The following SORCS2 variants were observed in gnomAD, a reference collection of about 807,000 sequenced individuals.
SORCS2 encodes VPS10 domain-containing receptor SorCS2.
SORCS2 carries 100 observed loss-of-function variants against 141.6 expected under a neutral mutation model. The ratio of observed to expected loss-of-function variants is 0.71; its 90% confidence interval spans 0.60 to 0.83. The LOEUF (loss-of-function observed/expected upper bound fraction) is 0.83, where lower values mean the gene tolerates loss of function less well. Ranked by LOEUF, SORCS2 falls within the 40% of genes least tolerant of loss-of-function variation. SORCS2 has a pLI of 0.00. For synonymous variants in SORCS2, 789 were observed against 676.9 expected, an observed-to-expected ratio of 1.17 and a Z score of -2.57; for missense variants, 1,646 against 1,560.2, an observed-to-expected ratio of 1.05 and a Z score of -0.93.
At chr4:7,415,806 A>C (rs563393606) in intron 2 of SORCS2, among the ~76,000 whole-genome samples, 37 of 152,358 alleles carry the variant, frequency 2.4e-4, no homozygotes, top group African/African-American at 7.5e-4. Context: ...CCTCTGTGCT[A>C]GGCACTTTGC....
At chr4:7,206,165 C>T (rs1205439409) in intron 1 of SORCS2, among the ~76,000 whole-genome samples, 2 of 152,222 alleles carry the variant, frequency 1.3e-5, no homozygotes, top group African/African-American at 4.8e-5. Context: ...CATCCCTCTG[C>T]AGTCCTGTCC....
chr4:7,643,972 T>G (rs1011944723), intron 4 of SORCS2, among the ~76,000 whole-genome samples: 4 of 152,204 alleles, frequency 2.6e-5, no homozygotes, highest in African/African-American at 9.7e-5. Flanking sequence ...AAGCCCTCAC[T>G]CAGCATGTGT....
chr4:7,706,325 T>C (rs371511187), intron 14 of SORCS2, among the ~76,000 whole-genome samples: 400 of 30,606 alleles, frequency 0.013, 52 homozygotes, highest in East Asian at 0.088. Flanking sequence ...CTGGGCTCCG[T>C]CTGGGCAGGG....
rs1223007954 is a variant in SORCS2, at chr4:7,697,224, T to C, written c.1618T>C (p.Tyr540His). 2 of 1,589,950 alleles carry C rather than the reference T, an allele frequency of 1.3e-6. No homozygotes were observed. The highest frequency in any genetic ancestry group is 1.3e-5 in the African/African-American group (1 of 74,476). ...TAACCTGGGCTCACAGCTGGTGGAA[T>C]ATAAAGAAGAAATGTACATCACGTC... Reference protein sequence around the residue: ...AGNLGSQLVEYKEEMYITSDC... With the variant: ...AGNLGSQLVEHKEEMYITSDC... Residue 540 changes from tyrosine to histidine, a missense_variant, in exon 12 of 27, where the codon TAT becomes CAT. By Grantham distance (83) the Tyr-to-His change is moderately conservative (BLOSUM62 2). Coordinates refer to ENST00000507866, the MANE Select transcript of SORCS2 (RefSeq NM_020777.3).
chr4:7,221,501 G>T (rs764373374), intron 1 of SORCS2, among the ~76,000 whole-genome samples: 29 of 152,254 alleles, frequency 1.9e-4, no homozygotes, highest in Non-Finnish European at 3.7e-4. Context: ...GAATTGAACT[G>T]GGGGCAGGTT....
intron 3 of SORCS2, among the ~76,000 whole-genome samples, chr4:7,571,443 T>A (rs371307550): frequency 2.0e-5 from 3 of 152,078 alleles, no homozygotes; most frequent in African/African-American, 7.2e-5. Context: ...ACTCCCCCAG[T>A]GTTTGATGAG....
At chr4:7,726,587 A>ATAAAG (rs1390885041) in intron 20 of SORCS2, among the ~76,000 whole-genome samples, 193 bp from the exon 21 acceptor site, 2 of 151,976 alleles carry the variant, frequency 1.3e-5, no homozygotes, top group African/African-American at 4.8e-5. Flanking sequence ...ATAAAATAAA[A>ATAAAG]TAAAATAAAG....
Position 7,741,322 on chromosome 4 carries a change from G to A in SORCS2, c.*1058G>A. ...AGGCCCAGGGAGGAGAGTAACTGAAGGTCACAGCACGGTCACAGCAGAGGT... is the reference window on the plus strand; with the variant it reads ...AGGCCCAGGGAGGAGAGTAACTGAAAGTCACAGCACGGTCACAGCAGAGGT... On this transcript the variant is annotated 3_prime_UTR_variant, in exon 27 of 27. Transcript: ENST00000507866. 1 of 399,036 alleles carries A rather than the reference G, an allele frequency of 2.5e-6. No individual in the cohort carries two copies. 24.7% of individuals were successfully genotyped at this position (399,036 alleles called of 1,614,324 possible).
chr4:7,388,041 C>T (rs907170239), intron 1 of SORCS2, among the ~76,000 whole-genome samples: 13 of 149,342 alleles, frequency 8.7e-5, no homozygotes, highest in African/African-American at 3.0e-4. Flanking sequence ...CACACATGCA[C>T]ACACACATGC....
At chr4:7,514,731 G>A (rs568007501) in intron 2 of SORCS2, among the ~76,000 whole-genome samples, 2 of 152,260 alleles carry the variant, frequency 1.3e-5, no homozygotes, top group South Asian at 4.1e-4. Context: ...GCCAACCAGG[G>A]ACACCCCTGT....
intron 12 of SORCS2, 78 bp downstream of exon 12, chr4:7,697,352 C>A: frequency 8.1e-7 from 1 of 1,238,086 alleles, no homozygotes; most frequent in Non-Finnish European, 1.1e-6. Context: ...GTTCTGTCAT[C>A]CCGTCCATTC....
intron 18 of SORCS2, among the ~76,000 whole-genome samples, chr4:7,719,292 C>G (rs368262801): frequency 3.3e-5 from 5 of 152,244 alleles, no homozygotes; most frequent in East Asian, 3.8e-4. Flanking sequence ...CCCAAGACGA[C>G]GCAGAGCAGT....
rs143647157 is a variant in SORCS2, at chr4:7,207,039, C to T, written c.480+13913C>T. Among the ~76,000 whole-genome samples the T allele has an allele frequency of 5.3e-5, 8 of 152,094 alleles. No homozygotes were observed. The East Asian group carries it at 5.8e-4, about 11-fold the overall frequency. On this transcript the variant is annotated intron_variant, in intron 1 of 26. Coordinates refer to ENST00000507866, the MANE Select transcript of SORCS2 (RefSeq NM_020777.3). ...CATCCATCTATCTACAAACCAGCCCCGCACCTAGCATCACCCACTGCTAAC... is the reference window on the plus strand; with the variant it reads ...CATCCATCTATCTACAAACCAGCCCTGCACCTAGCATCACCCACTGCTAAC...
chr4:7,440,191 A>G (rs1011936541), intron 2 of SORCS2, among the ~76,000 whole-genome samples: 9 of 152,182 alleles, frequency 5.9e-5, no homozygotes, highest in Non-Finnish European at 1.2e-4. Flanking sequence ...CCTGGCCACA[A>G]TGGAATTAGG....
chr4:7,313,028 G>A (rs181535802), intron 1 of SORCS2, among the ~76,000 whole-genome samples: 3 of 152,340 alleles, frequency 2.0e-5, no homozygotes, highest in African/African-American at 2.4e-5. Context: ...AGAGGCCTGC[G>A]AGGACTGGGG....
At position 7,725,340 on chromosome 4, in the gene SORCS2, C is replaced by G. The variant is rs139849475; in HGVS notation, c.2745+53C>G. 2,740 of 1,579,326 alleles carry G rather than the reference C, an allele frequency of 1.7e-3. 36 individuals carry two copies. The African/African-American group carries it at 0.032, about 19-fold the overall frequency. ...CTTCTTCCCGCAGGCTCCCCACAAGCTGCACAGTGGGGCAGAGCATGGCCC... is the reference window on the plus strand; with the variant it reads ...CTTCTTCCCGCAGGCTCCCCACAAGGTGCACAGTGGGGCAGAGCATGGCCC... On this transcript the variant is annotated intron_variant, in intron 20 of 26. Transcript: ENST00000507866.
intron 14 of SORCS2, among the ~76,000 whole-genome samples, chr4:7,709,881 G>C (rs932039701): frequency 5.9e-5 from 9 of 152,306 alleles, no homozygotes; most frequent in African/African-American, 2.2e-4. Flanking sequence ...GTGGAGTGGA[G>C]GCTCCCAGAG....
chr4:7,578,529 T>A (rs1433427440), intron 3 of SORCS2, among the ~76,000 whole-genome samples: 1 of 152,272 alleles, frequency 6.6e-6, no homozygotes, highest in African/African-American at 2.4e-5. Context: ...TTTGTCCTGC[T>A]AAGCCTGAGC....
intron 3 of SORCS2, among the ~76,000 whole-genome samples, chr4:7,541,480 GAGGAGGGGTATCCCTAGCCTCCTC>G (rs1712654648): frequency 6.6e-6 from 1 of 152,342 alleles, no homozygotes; most frequent in Middle Eastern, 3.4e-3. Context: ...CTGGCCATCA[GAGGAGGGGTATCCCTAGCCTCCTC>G]AGGAGGGGCG....
Sources: gnomAD v4.1 joint callset for allele counts (sites outside exome capture counted in the v4.1 genomes callset) on GRCh38, gnomAD v4.1.1 for gene constraint, MANE v1.5 for transcripts, NCBI Gene and HGNC (gene_info 2026-07-23, HGNC 2026-07-21) for gene names.